Variants in GMDS observed in about 807,000 individuals in gnomAD.
The protein encoded by GMDS is GDP-mannose 4,6 dehydratase.
A neutral mutation model predicts 49.9 loss-of-function variants in GMDS; 20 were observed. The ratio of observed to expected loss-of-function variants is 0.40; its 90% CI spans 0.28 to 0.58. The LOEUF is 0.58. Ranked by LOEUF, GMDS falls within the 20% of genes least tolerant of loss-of-function variation. GMDS has a pLI of 0.42. For missense variants in GMDS, 362 were observed against 481.4 expected, an observed-to-expected ratio of 0.75 and a Z score of 2.32; for synonymous variants, 177 against 178.6, an observed-to-expected ratio of 0.99 and a Z score of 0.07.
chr6:2,070,472 G>A (rs1759300), intron 4 of GMDS, among the ~76,000 whole-genome samples: 1 of 152,050 alleles, frequency 6.6e-6, no homozygotes, highest in Non-Finnish European at 1.5e-5. Flanking sequence ...GCAAATTTAT[G>A]ATATAGTAAT....
At chr6:1,891,207 ATCCTT>A (rs562251951) in intron 7 of GMDS, among the ~76,000 whole-genome samples, 157 of 152,254 alleles carry the variant, frequency 1.0e-3, no homozygotes, top group African/African-American at 3.7e-3. Context: ...GTTTTCACTC[ATCCTT>A]TCCTTTCCAT....
At chr6:2,003,833 A>G (rs1470769853) in intron 4 of GMDS, among the ~76,000 whole-genome samples, 1 of 152,124 alleles carries the variant, frequency 6.6e-6, no homozygotes, top group Non-Finnish European at 1.5e-5. Context: ...CTACTGCACC[A>G]AACTCCTGTT....
intron 9 of GMDS, among the ~76,000 whole-genome samples, chr6:1,681,125 CACTT>C (rs1354098100): frequency 1.3e-5 from 2 of 152,130 alleles, no homozygotes; most frequent in Non-Finnish European, 2.9e-5. Context: ...CAAATACACA[CACTT>C]ACAGATACAC....
chr6:2,049,613 T>C (rs1158010546), intron 4 of GMDS, among the ~76,000 whole-genome samples: 1 of 152,136 alleles, frequency 6.6e-6, no homozygotes, highest in Admixed American at 6.5e-5. Context: ...CCCTGGATTA[T>C]TACCCAGATG....
At chr6:1,815,823 C>A (rs1389831997) in intron 7 of GMDS, among the ~76,000 whole-genome samples, 1 of 152,128 alleles carries the variant, frequency 6.6e-6, no homozygotes, top group South Asian at 2.1e-4. Flanking sequence ...TTTTGATGAC[C>A]CTCTGCCTGT....
intron 4 of GMDS, among the ~76,000 whole-genome samples, chr6:2,001,957 T>C (rs1766844826): frequency 6.6e-6 from 1 of 152,186 alleles, no homozygotes; most frequent in Non-Finnish European, 1.5e-5. Flanking sequence ...TTGCCACCAA[T>C]TCCTTTTACT....
At chr6:2,065,794 A>G (rs1414352893) in intron 4 of GMDS, among the ~76,000 whole-genome samples, 1 of 152,326 alleles carries the variant, frequency 6.6e-6, no homozygotes, top group African/African-American at 2.4e-5. Flanking sequence ...TCTACGTCTG[A>G]TTGGTGTACC....
At chr6:2,089,194 G>A (rs1320329669) in intron 4 of GMDS, among the ~76,000 whole-genome samples, 1 of 151,948 alleles carries the variant, frequency 6.6e-6, no homozygotes, top group Non-Finnish European at 1.5e-5. Context: ...TTTTATCTGG[G>A]GCCAGATTAC....
chr6:1,701,718 C>T (rs943735899), intron 9 of GMDS, among the ~76,000 whole-genome samples: 1 of 151,826 alleles, frequency 6.6e-6, no homozygotes, highest in African/African-American at 2.4e-5. Flanking sequence ...GTCTTATTTT[C>T]AAATAATATA....
intron 1 of GMDS, among the ~76,000 whole-genome samples, chr6:2,184,184 A>G (rs1778677198): frequency 6.6e-6 from 1 of 152,024 alleles, no homozygotes; most frequent in Non-Finnish European, 1.5e-5. Flanking sequence ...CTTTTATCCA[A>G]TCCTCCAACA....
intron 6 of GMDS, among the ~76,000 whole-genome samples, chr6:1,939,784 T>C (rs914984346): frequency 3.3e-5 from 5 of 152,164 alleles, no homozygotes; most frequent in Admixed American, 6.5e-5. Context: ...ACATGAATAA[T>C]AGCCAATTTA....
rs114706715 is a variant in GMDS, at chr6:1,639,501, G to A, written c.988-14961C>T. ...CTCCCAGAACTGCCCCGTTTAGTAC[G>A]GCTGGGGGCCAAGTGGAACTCTCTC... On this transcript the variant is annotated intron_variant, in intron 9 of 10. Transcript: ENST00000380815. Among the ~76,000 whole-genome samples the A allele has an allele frequency of 5.6e-3, 850 of 152,352 alleles. 7 individuals carry two copies. The highest frequency in any genetic ancestry group is 0.02 in the African/African-American group (828 of 41,584).
At chr6:1,672,270 C>T (rs934075331) in intron 9 of GMDS, among the ~76,000 whole-genome samples, 1 of 152,046 alleles carries the variant, frequency 6.6e-6, no homozygotes, top group Non-Finnish European at 1.5e-5. Context: ...AGCCGTGATG[C>T]GTGAATGAGA....
In GMDS at chr6:1,628,327, A is replaced by G. The variant is rs1002372465; in HGVS notation, c.988-3787T>C. 8.5e-5 allele frequency among the ~76,000 whole-genome samples: 13 copies of G among 152,348 alleles called. No individual in the cohort carries two copies. The East Asian group carries it at 1.3e-3, about 16-fold the overall frequency. Reference sequence around the variant, plus strand: ...CCCTTTCCTCAGATCTCTCCCATCTAGATAACAACGCAGCTTTAAAATCAC... The same window carrying G: ...CCCTTTCCTCAGATCTCTCCCATCTGGATAACAACGCAGCTTTAAAATCAC... On this transcript the variant is annotated intron_variant, in intron 9 of 10. Coordinates refer to ENST00000380815, the MANE Select transcript of GMDS (RefSeq NM_001500.4).
At chr6:2,241,786 T>C (rs1781626433) in intron 1 of GMDS, among the ~76,000 whole-genome samples, 1 of 152,194 alleles carries the variant, frequency 6.6e-6, no homozygotes, top group Non-Finnish European at 1.5e-5. Context: ...TTCAGAACCA[T>C]GAACCAAATA....
intron 4 of GMDS, among the ~76,000 whole-genome samples, chr6:2,093,820 T>C (rs1773451070): frequency 6.6e-6 from 1 of 152,168 alleles, no homozygotes; most frequent in South Asian, 2.1e-4. Context: ...TGTTAAGATT[T>C]TAGGTAACTT....
intron 9 of GMDS, among the ~76,000 whole-genome samples, chr6:1,720,235 A>G (rs1215897934): frequency 6.6e-6 from 1 of 151,768 alleles, no homozygotes; most frequent in Non-Finnish European, 1.5e-5. Context: ...TTGAGGGGGG[A>G]GAGCAACCGA....
intron 7 of GMDS, among the ~76,000 whole-genome samples, chr6:1,867,062 T>C (rs894325103): frequency 6.6e-6 from 1 of 152,268 alleles, no homozygotes; most frequent in Non-Finnish European, 1.5e-5. Context: ...TATATTTAGC[T>C]ACATTTCCCA....
intron 7 of GMDS, among the ~76,000 whole-genome samples, chr6:1,830,597 G>A (rs3823276): frequency 0.081 from 12,356 of 152,098 alleles, 654 homozygotes; most frequent in East Asian, 0.19. Flanking sequence ...CTCTAACAAA[G>A]GTACAACACT....
Sources: allele counts gnomAD v4.1 joint callset (sites outside exome capture counted in the v4.1 genomes callset), GRCh38; gene constraint gnomAD v4.1.1; transcripts MANE v1.5; gene names NCBI Gene and HGNC (gene_info 2026-07-23, HGNC 2026-07-21).